MDN1: variants seen among roughly 807,000 people sequenced by gnomAD.
MDN1 encodes midasin AAA ATPase 1, also known as midasin.
MDN1 carries 266 observed loss-of-function variants against 669.2 expected under a neutral mutation model. The ratio of observed to expected loss-of-function variants is 0.40; its 90% CI spans 0.36 to 0.44. The LOEUF is 0.44. Among genes scored for constraint, MDN1 ranks in the 20% least tolerant of loss-of-function variants. The pLI is 1.00. For missense variants in MDN1, 5,940 were observed against 6,754.0 expected, an observed-to-expected ratio of 0.88 and a Z score of 4.22; for synonymous variants, 2,385 against 2,457.1, an observed-to-expected ratio of 0.97 and a Z score of 0.87.
Position 89,684,929 on chromosome 6 carries a change from G to T in MDN1, c.11776C>A (p.Arg3926=), listed in dbSNP as rs775904812. 6.2e-7 allele frequency: 1 copy of T among 1,613,490 alleles called. No homozygotes were observed. Among genetic ancestry groups the T allele is most frequent in the African/African-American group, 1.3e-5 (1 of 74,914 alleles). ...AGTTCCACAATTTTGGCCTGGACCC[G>T]GTCAAAGAATTGCTTGTAATAATGG... ...LYHYYKQFFD[R]VQAKIVELRS... The change falls in exon 71 of 102, where the codon CGG becomes AGG. Residue 3926 remains arginine, a synonymous_variant. Coordinates refer to ENST00000369393, the MANE Select transcript of MDN1 (RefSeq NM_014611.3).
intron 34 of MDN1, 47 bp from the exon 35 acceptor site, chr6:89,730,970 C>A: frequency 1.3e-6 from 2 of 1,532,230 alleles, no homozygotes; most frequent in Non-Finnish European, 8.9e-7. Context: ...CAACACCAAG[C>A]TTCACCACCA....
chr6:89,783,266 G>A (rs1035205904), intron 9 of MDN1, among the ~76,000 whole-genome samples: 1 of 152,088 alleles, frequency 6.6e-6, no homozygotes, highest in African/African-American at 2.4e-5. Context: ...CCCGGGAAAG[G>A]AATGCATTCC....
intron 20 of MDN1, among the ~76,000 whole-genome samples, chr6:89,755,319 G>T (rs116272930): frequency 4.7e-5 from 7 of 149,204 alleles, no homozygotes; most frequent in Non-Finnish European, 7.4e-5. Flanking sequence ...TAAGGCTGGC[G>T]TATCACTTGA....
chr6:89,751,454 A>C lies in MDN1; in HGVS notation c.3204T>G (p.Asp1068Glu). 1.9e-6 allele frequency: 3 copies of C among 1,614,156 alleles called. No individual in the cohort carries two copies. The highest frequency in any genetic ancestry group is 2.2e-5 in the East Asian group (1 of 44,876). Residue 1068 changes from aspartate to glutamate, a missense_variant, in exon 23 of 102, where the codon GAT becomes GAG. Transcript: ENST00000369393. ...ACCCTGCAGAGACAACTCGGACTAT[A>C]TCTCTCAGGTTCAGCTTCACAGAAG... ...LTSSVKLNLR[D>E]IVRVVSAGTY...
At chr6:89,681,596 G>A (rs1811619853) in intron 73 of MDN1, among the ~76,000 whole-genome samples, 1 of 152,088 alleles carries the variant, frequency 6.6e-6, no homozygotes, top group Non-Finnish European at 1.5e-5. Context: ...AATCAAAATT[G>A]TTGATCAGAA....
chr6:89,664,646 A>G lies in MDN1; in HGVS notation c.14095-18T>C. On this transcript the variant is annotated intron_variant, in intron 84 of 101. Transcript: ENST00000369393. ...TCTTCCACCTACATAAAGAAGTATT[A>G]AACATAAATAAATGAAACTTTACCA... 6.3e-7 allele frequency: 1 copy of G among 1,578,040 alleles called. No homozygotes were observed. Among genetic ancestry groups the G allele is most frequent in the South Asian group, 1.1e-5 (1 of 87,188 alleles).
intron 74 of MDN1, 135 bp downstream of exon 74, chr6:89,680,454 C>A (rs548579652): frequency 1.5e-4 from 161 of 1,049,450 alleles, no homozygotes; most frequent in Non-Finnish European, 2.1e-4. Context: ...GGTTTTTAAG[C>A]CCACTTGCTT....
chr6:89,722,859 A>AT (rs1814935962), intron 40 of MDN1, 96 bp downstream of exon 40: 6 of 1,161,666 alleles, frequency 5.2e-6, no homozygotes, highest in Non-Finnish European at 5.9e-6. Flanking sequence ...AAAAAAAAAA[A>AT]AAAAAAAAGG....
chr6:89,645,111 GA>G lies in MDN1; in HGVS notation c.16505del (p.Phe5502SerfsTer71). On this transcript the variant is annotated frameshift_variant, in exon 101 of 102. Transcript: ENST00000369393. LOFTEE classifies it high-confidence loss of function. ...LLVVSDGRGL[F>X]LEGKERVLAA... ...CCAGGACTCTTTCTTTGCCCTCAAGGAAAAGGCCTCGCCCATCAGAGACTAC... is the reference window on the plus strand; with the variant it reads ...CCAGGACTCTTTCTTTGCCCTCAAGGAAAGGCCTCGCCCATCAGAGACTAC... The G allele has an allele frequency of 1.2e-6, 2 of 1,611,946 alleles. No individual in the cohort carries two copies. Among genetic ancestry groups the G allele is most frequent in the Non-Finnish European group, 1.7e-6 (2 of 1,178,164 alleles).
Position 89,710,810 on chromosome 6 carries a change from A to G in MDN1, c.7652-16T>C, listed in dbSNP as rs1358789297. The G allele has an allele frequency of 1.3e-6, 2 of 1,485,972 alleles. No individual in the cohort carries two copies. Among genetic ancestry groups the G allele is most frequent in the African/African-American group, 2.8e-5 (2 of 71,462 alleles). 92.0% of individuals were successfully genotyped at this position (1,485,972 alleles called of 1,614,324 possible). ...TGTATGGACTCTGTGGAGGAAGGAG[A>G]AACCAGTGTTAGACTCTAAAGCAGT... is the stretch of plus-strand genomic sequence containing the variant. On this transcript the variant is annotated splice_polypyrimidine_tract_variant and intron_variant, in intron 49 of 101. Transcript: ENST00000369393.
chr6:89,689,020 A>G (rs920300033), intron 65 of MDN1, among the ~76,000 whole-genome samples: 2 of 152,128 alleles, frequency 1.3e-5, no homozygotes, highest in African/African-American at 4.8e-5. Flanking sequence ...AAATACAAAC[A>G]TTAGCCAGAC....
Position 89,780,438 on chromosome 6 carries a change from T to C in MDN1, c.1644-145A>G, listed in dbSNP as rs890367840. 6.7e-5 allele frequency: 31 copies of C among 460,180 alleles called. 1 individual carries two copies. In the Middle Eastern group the frequency reaches 1.0e-3, roughly 16 times the overall value. The allele number at this position is 460,180 out of a possible 1,614,324, so 28.5% of individuals were successfully genotyped here. A position where few individuals can be genotyped will look rare whatever the true frequency, so the allele number is the denominator to read the frequency against. ...TCTGACAATGCTTAGATAAAAGGTATTTGGGAAACCAGTAAGGGTTCTCAA... is the reference window on the plus strand; with the variant it reads ...TCTGACAATGCTTAGATAAAAGGTACTTGGGAAACCAGTAAGGGTTCTCAA... On this transcript the variant is annotated intron_variant, in intron 10 of 101. Transcript: ENST00000369393.
rs142079027 is a variant in MDN1, at chr6:89,707,365, A to T, written c.8010T>A (p.His2670Gln). Residue 2670 changes from histidine to glutamine, a missense_variant, in exon 52 of 102, where the codon CAT becomes CAA. Physicochemically the swap from His to Gln is conservative, Grantham distance 24 (BLOSUM62 0). Around this residue, in one of 5 missense-constraint regions of MDN1, gnomAD observed 2,292 missense variants for 2,638.3 expected, o/e 0.87. Transcript: ENST00000369393. ...ACAAAAGGTAAATGTTCTTACCTTG[A>T]TGGAATTCAAAGGACATTCTCAAAA... ...ESVLRMSFEF[H>Q]QDPESYHTLP... 658 of 1,599,468 alleles carry T rather than the reference A, an allele frequency of 4.1e-4. 4 individuals are homozygous for T. The African/African-American group carries it at 7.9e-3, about 19-fold the overall frequency.
chr6:89,782,604 AAATAATAATAATAATAAT>A (rs58697438), intron 9 of MDN1, among the ~76,000 whole-genome samples: 11 of 144,194 alleles, frequency 7.6e-5, no homozygotes, highest in Admixed American at 1.4e-4. Flanking sequence ...TTTCCTCAAA[AAATAATAATAATAATAAT>A]AATAATAATA....
chr6:89,778,726 T>C (rs1818475715), intron 11 of MDN1, among the ~76,000 whole-genome samples: 1 of 150,688 alleles, frequency 6.6e-6, no homozygotes, highest in Non-Finnish European at 1.5e-5. Context: ...CTACTAAAAA[T>C]GCAAAAAAAA....
At chr6:89,746,848 T>C (rs1816663345) in intron 27 of MDN1, among the ~76,000 whole-genome samples, 2 of 152,202 alleles carry the variant, frequency 1.3e-5, no homozygotes, top group Admixed American at 6.5e-5. Context: ...TCCAAAACAC[T>C]GTGTATCCTA....
intron 50 of MDN1, among the ~76,000 whole-genome samples, chr6:89,710,320 G>C (rs1279612923): frequency 6.6e-6 from 1 of 152,036 alleles, no homozygotes; most frequent in East Asian, 1.9e-4. Flanking sequence ...CCAACTCCTA[G>C]ATTCTTTTTA....
chr6:89,728,756 G>A (rs1815390061), intron 36 of MDN1, among the ~76,000 whole-genome samples, 175 bp downstream of exon 36: 2 of 152,054 alleles, frequency 1.3e-5, no homozygotes. Flanking sequence ...GCACCCCACT[G>A]CACTCCAGCC....
At chr6:89,807,847 A>G (rs292221) in intron 1 of MDN1, among the ~76,000 whole-genome samples, 71,994 of 151,968 alleles carry the variant, frequency 0.47, 17,322 homozygotes, top group South Asian at 0.56. Context: ...TCTAATCTTC[A>G]ATGAGGCCTA....
Sources: allele counts gnomAD v4.1 joint callset (sites outside exome capture counted in the v4.1 genomes callset), GRCh38; gene constraint gnomAD v4.1.1; regional missense constraint gnomAD v4.1.1; transcripts MANE v1.5; gene names NCBI Gene and HGNC (gene_info 2026-07-23, HGNC 2026-07-21).